The following BAHCC1 variants were observed in gnomAD, a reference collection of about 807,000 sequenced individuals.
BAHCC1 encodes the protein BAH domain and coiled-coil containing 1, also known as BAH and coiled-coil domain-containing protein 1.
BAHCC1 carries 43 observed loss-of-function variants against 88.2 expected under a neutral mutation model. That is an observed-to-expected ratio of 0.49 (90% CI 0.38 to 0.63). The LOEUF is 0.63. Among genes scored for constraint, BAHCC1 ranks in the 20% least tolerant of loss-of-function variants. BAHCC1 has a pLI of 0.00. For synonymous variants in BAHCC1, 1,510 were observed against 745.5 expected, an observed-to-expected ratio of 2.03 and a Z score of -16.71; for missense variants, 3,023 against 1,654.8, an observed-to-expected ratio of 1.83 and a Z score of -14.34.
chr17:81,439,634 G>A (rs1555652210), intron 4 of BAHCC1, among the ~76,000 whole-genome samples: 1 of 151,992 alleles, frequency 6.6e-6, no homozygotes, highest in African/African-American at 2.4e-5. Context: ...AGGGAGGTGG[G>A]GACAGATGGT....
At position 81,435,962 on chromosome 17, in the gene BAHCC1, T is replaced by G. The variant is rs2064329995; in HGVS notation, c.359-2408T>G. On this transcript the variant is annotated intron_variant, in intron 3 of 27. Transcript: ENST00000675386. This position sits in a 1 kb window ranked among gnomAD's most constrained non-coding sequence, Gnocchi z 4.4. ...CTTTCTCAGTTTTGAGAGTATGGTCTTATTGGGAAAAAGAAAGGGGCTTTC... is the reference window on the plus strand; with the variant it reads ...CTTTCTCAGTTTTGAGAGTATGGTCGTATTGGGAAAAAGAAAGGGGCTTTC... 6.6e-6 allele frequency among the ~76,000 whole-genome samples: 1 copy of G among 152,174 alleles called. No homozygotes were observed. Among genetic ancestry groups the G allele is most frequent in the Non-Finnish European group, 1.5e-5 (1 of 68,022 alleles).
At position 81,442,515 on chromosome 17, in the gene BAHCC1, C is replaced by T; in HGVS notation, c.1166C>T (p.Ala389Val). 1 of 722,918 alleles carries T rather than the reference C, an allele frequency of 1.4e-6. No homozygotes were observed. Among genetic ancestry groups the T allele is most frequent in the East Asian group, 2.5e-5 (1 of 39,818 alleles). 44.8% of individuals were successfully genotyped at this position (722,918 alleles called of 1,614,324 possible). The change falls in exon 5 of 28, where the codon GCC becomes GTC. Residue 389 changes from alanine (A) to valine (V), a missense_variant. Transcript: ENST00000675386. ...GACAAAGCCCCCCGGGACCTAAAGG[C>T]CAGCGGGCCCACCTTCGTGCCTTCT... ...LQDKAPRDLK[A>V]SGPTFVPSVG...
chr17:81,445,191 G>C lies in BAHCC1; in HGVS notation c.2835+13G>C, dbSNP rs1555653976. Reference sequence around the variant, plus strand: ...CGCCCAGTTCCAGGTACCGCCCCTAGCCACGCTCACCTGGGCCGGGCACTT... The same window carrying C: ...CGCCCAGTTCCAGGTACCGCCCCTACCCACGCTCACCTGGGCCGGGCACTT... On this transcript the variant is annotated intron_variant, in intron 9 of 27. Coordinates refer to ENST00000675386, the MANE Select transcript of BAHCC1 (RefSeq NM_001377448.1). 1 of 759,546 alleles carries C rather than the reference G, an allele frequency of 1.3e-6. No homozygotes were observed. Among genetic ancestry groups the C allele is most frequent in the Non-Finnish European group, 2.4e-6 (1 of 409,006 alleles). The allele number at this position is 759,546 out of a possible 1,614,324, so 47.1% of individuals were successfully genotyped here.
intron 2 of BAHCC1, among the ~76,000 whole-genome samples, chr17:81,423,348 C>T (rs557632167): frequency 1.6e-4 from 25 of 152,318 alleles, no homozygotes; most frequent in African/African-American, 4.8e-4. Context: ...GGGCAGCCCC[C>T]GCCGCCCCCC....
chr17:81,405,916 T>C (rs2063872556), intron 2 of BAHCC1, among the ~76,000 whole-genome samples: 1 of 152,212 alleles, frequency 6.6e-6, no homozygotes, highest in South Asian at 2.1e-4. Flanking sequence ...ATGCCCTCTT[T>C]TGGAGTGGTC....
intron 10 of BAHCC1, among the ~76,000 whole-genome samples, chr17:81,446,459 G>C (rs912477136): frequency 1.3e-5 from 2 of 149,452 alleles, no homozygotes; most frequent in South Asian, 4.3e-4. Context: ...CGGCAGCCAG[G>C]GTTGTTGGGG....
intron 23 of BAHCC1, among the ~76,000 whole-genome samples, 192 bp from the exon 24 acceptor site, chr17:81,460,085 T>C (rs2143651881): frequency 6.6e-6 from 1 of 152,122 alleles, no homozygotes. Context: ...TGGCATCACA[T>C]GGGAGGCACT....
chr17:81,432,371 G>A (rs1465759027), intron 3 of BAHCC1, among the ~76,000 whole-genome samples: 1 of 152,106 alleles, frequency 6.6e-6, no homozygotes, highest in Non-Finnish European at 1.5e-5. Flanking sequence ...ACGTGAGGAA[G>A]GTCCTGGTGG....
rs781909536 is a variant in BAHCC1, at chr17:81,419,788, C to CTTTTT, written c.179-7012_179-7011insTTTTT. Among the ~76,000 whole-genome samples, 15 of 102,294 alleles carry CTTTTT rather than the reference C, an allele frequency of 1.5e-4. 7 individuals carry two copies. Among genetic ancestry groups the CTTTTT allele is most frequent in the South Asian group, 6.4e-4 (2 of 3,142 alleles). The allele number at this position is 102,294 out of a possible 152,430, so 67.1% of individuals were successfully genotyped here. A position where few individuals can be genotyped will look rare whatever the true frequency, so the allele number is the denominator to read the frequency against. ...TGGAGCTGCCGCCATCTCAACGAGG[C>CTTTTT]GTTTTTTTTTTTTTTTTTTTTTACA... On this transcript the variant is annotated intron_variant, in intron 2 of 27. Coordinates refer to ENST00000675386, the MANE Select transcript of BAHCC1 (RefSeq NM_001377448.1).
At chr17:81,459,689 G>A in intron 23 of BAHCC1, 85 bp downstream of exon 23, 1 of 747,010 alleles carries the variant, frequency 1.3e-6, no homozygotes, top group South Asian at 1.4e-5. Context: ...TGGCTTCCGA[G>A]GCTGGCGAGG....
chr17:81,426,014 TGGTGGGTG>T (rs2064190413), intron 2 of BAHCC1, among the ~76,000 whole-genome samples: 1 of 13,918 alleles, frequency 7.2e-5, no homozygotes, highest in Admixed American at 8.5e-4. Flanking sequence ...TTGGGGGTGA[TGGTGGGTG>T]ATGTGGTTGG....
chr17:81,431,255 C>T (rs1464080629), intron 3 of BAHCC1, among the ~76,000 whole-genome samples: 1 of 152,092 alleles, frequency 6.6e-6, no homozygotes, highest in Admixed American at 6.5e-5. Flanking sequence ...CCTGCCCTGG[C>T]CGGCCACCCT....
At chr17:81,432,893 C>G (rs1166709626) in intron 3 of BAHCC1, among the ~76,000 whole-genome samples, 1 of 13,938 alleles carries the variant, frequency 7.2e-5, no homozygotes, top group Non-Finnish European at 1.9e-4. Flanking sequence ...CCTCCCCCCC[C>G]ATCCCCAGGC....
intron 13 of BAHCC1, 54 bp downstream of exon 13, chr17:81,452,161 G>T (rs2064651190): frequency 5.7e-6 from 3 of 522,644 alleles, no homozygotes; most frequent in Non-Finnish European, 1.0e-5. Context: ...CCCACCCCCG[G>T]GAGGCGCCCA....
At chr17:81,405,300 A>G (rs1484001388) in intron 2 of BAHCC1, among the ~76,000 whole-genome samples, 1 of 152,200 alleles carries the variant, frequency 6.6e-6, no homozygotes, top group Non-Finnish European at 1.5e-5. Context: ...TCCTGAGCTC[A>G]AGCAATCTGC....
intron 2 of BAHCC1, among the ~76,000 whole-genome samples, chr17:81,408,958 A>G (rs1044381506): frequency 3.3e-5 from 5 of 152,228 alleles, no homozygotes; most frequent in African/African-American, 9.7e-5. Context: ...CGCTCAGGTG[A>G]CGCGCACAGG....
At chr17:81,445,260 G>A in intron 9 of BAHCC1, 82 bp downstream of exon 9, 1 of 721,114 alleles carries the variant, frequency 1.4e-6, no homozygotes. Context: ...GGAGACCCCT[G>A]CATGCCTGGC....
chr17:81,460,178 C>A, intron 23 of BAHCC1, 99 bp from the exon 24 acceptor site: 2 of 671,684 alleles, frequency 3.0e-6, no homozygotes, highest in South Asian at 1.7e-5. Context: ...AACCCCAGAG[C>A]CCTCCCCTCA....
chr17:81,447,547 CGAGCTGGAGGAA>C lies in BAHCC1; in HGVS notation c.3678_3689del (p.Glu1226_Glu1229del), dbSNP rs782040356. 1.3e-6 allele frequency: 1 copy of C among 757,156 alleles called. No homozygotes were observed. The highest frequency in any genetic ancestry group is 2.5e-6 in the Non-Finnish European group (1 of 407,228). The allele number at this position is 757,156 out of a possible 1,614,324, so 46.9% of individuals were successfully genotyped here. A position where few individuals can be genotyped will look rare whatever the true frequency, so the allele number is the denominator to read the frequency against. On this transcript the variant is annotated inframe_deletion, in exon 11 of 28. Coordinates refer to ENST00000675386, the MANE Select transcript of BAHCC1 (RefSeq NM_001377448.1). ...GGGAGCAGCCGGCCCCTGAGGAGGA[CGAGCTGGAGGAA>C]GACGAGCTGGGGCAGCAGAGCATGG...
Sources: allele counts gnomAD v4.1 joint callset (sites outside exome capture counted in the v4.1 genomes callset), GRCh38; gene constraint gnomAD v4.1.1; non-coding constraint Gnocchi (gnomAD v3.1); transcripts MANE v1.5; gene names NCBI Gene and HGNC (gene_info 2026-07-23, HGNC 2026-07-21).